MYO16: variants seen among roughly 807,000 people sequenced by gnomAD.
MYO16 encodes the protein unconventional myosin-XVI.
A neutral mutation model predicts 205.3 loss-of-function variants in MYO16; 94 were observed. The observed-to-expected ratio is 0.46, with a 90% CI of 0.39 to 0.54. The LOEUF (loss-of-function observed/expected upper bound fraction) is 0.54. Ranked by LOEUF, MYO16 falls within the 20% of genes least tolerant of loss-of-function variation. The pLI is 0.00. For synonymous variants in MYO16, 988 were observed against 954.0 expected (o/e 1.04, Z -0.66); for missense variants, 2,315 against 2,387.5 (o/e 0.97, Z 0.63).
At chr13:109,049,931 TG>T (rs2139600230) in intron 24 of MYO16, among the ~76,000 whole-genome samples, 1 of 90,240 alleles carries the variant, frequency 1.1e-5, no homozygotes, top group African/African-American at 4.8e-5. Flanking sequence ...TTGTCCTGTG[TG>T]TGTGTGTGTG....
intron 12 of MYO16, among the ~76,000 whole-genome samples, chr13:108,869,201 T>A (rs1161030504): frequency 2.0e-5 from 3 of 152,126 alleles, no homozygotes; most frequent in African/African-American, 7.2e-5. Flanking sequence ...TATTTACAGT[T>A]CAATTTAGAA....
intron 27 of MYO16, among the ~76,000 whole-genome samples, chr13:109,092,676 T>C (rs900304826): frequency 6.6e-6 from 1 of 152,138 alleles, no homozygotes; most frequent in Non-Finnish European, 1.5e-5. Context: ...CCCTGACACA[T>C]GTTTACCTAT....
chr13:109,188,636 C>T (rs939149488), intron 34 of MYO16, among the ~76,000 whole-genome samples: 3 of 152,124 alleles, frequency 2.0e-5, no homozygotes, highest in African/African-American at 7.2e-5. Flanking sequence ...AGTCCATCTG[C>T]AAGCTGAGGA....
At chr13:108,536,668 T>C in the MYO16 span, among the ~76,000 whole-genome samples, 1 of 152,120 alleles carries the variant, frequency 6.6e-6, no homozygotes, top group African/African-American at 2.4e-5. Flanking sequence ...ACTTTGGAAA[T>C]GTTAATGAAG....
chr13:109,083,561 C>G (rs779083346), intron 27 of MYO16, among the ~76,000 whole-genome samples: 1 of 151,734 alleles, frequency 6.6e-6, no homozygotes, highest in East Asian at 1.9e-4. Context: ...CAAGAACTTA[C>G]GAAACATAAT....
chr13:108,785,749 CA>C lies in MYO16; in HGVS notation c.616+11del. 6.4e-7 allele frequency: 1 copy of C among 1,553,288 alleles called. No individual in the cohort carries two copies. The highest frequency in any genetic ancestry group is 8.8e-7 in the Non-Finnish European group (1 of 1,135,552). On this transcript the variant is annotated splice_region_variant and intron_variant, in intron 5 of 34. Coordinates refer to ENST00000457511, the MANE Select transcript of MYO16 (RefSeq NM_001198950.3). ...GACCTATCTGGATGAAAATGGTAGG[CA>C]AAAACTTTTAAAACCATAGAAAAAA...
chr13:108,600,491 G>A (rs896053433), intron 1 of MYO16, among the ~76,000 whole-genome samples: 4 of 152,116 alleles, frequency 2.6e-5, no homozygotes, highest in African/African-American at 7.2e-5. Context: ...ACTGTTGACC[G>A]TTATACATTC....
At chr13:108,959,781 C>T (rs1456700731) in intron 17 of MYO16, among the ~76,000 whole-genome samples, 1 of 152,138 alleles carries the variant, frequency 6.6e-6, no homozygotes, top group Non-Finnish European at 1.5e-5. Flanking sequence ...GAAGCACAGC[C>T]TCCTTTCTGC....
chr13:109,146,591 C>T (rs1379898592), intron 32 of MYO16, among the ~76,000 whole-genome samples: 1 of 151,814 alleles, frequency 6.6e-6, no homozygotes, highest in African/African-American at 2.4e-5. Flanking sequence ...AGGACTAGCC[C>T]TGGCAAAGTA....
At chr13:108,879,712 T>C (rs958229651) in intron 12 of MYO16, among the ~76,000 whole-genome samples, 9 of 152,232 alleles carry the variant, frequency 5.9e-5, no homozygotes, top group African/African-American at 2.2e-4. Flanking sequence ...TATGGCTGCA[T>C]AGTATTCCAT....
rs368127919 is a variant in MYO16 at position 109,008,963 on chromosome 13, C to A, written c.2509C>A (p.Gln837Lys). 52 of 1,612,986 alleles carry A rather than the reference C, an allele frequency of 3.2e-5. 1 individual carries two copies. Among genetic ancestry groups the A allele is most frequent in the Non-Finnish European group, 4.4e-5 (52 of 1,179,442 alleles). The change falls in exon 22 of 35, where the codon CAA becomes AAA. Residue 837 changes from glutamine (Q) to lysine (K), a missense_variant. Physicochemically the swap from Gln to Lys is moderately conservative, Grantham distance 53. Around this residue, in one of 3 missense-constraint regions of MYO16, gnomAD observed 1,213 missense variants for 1,274.4 expected, o/e 0.95. Transcript: ENST00000457511. ...YINEVLFLHE[Q>K]VECVQEGVTM... ...CAATGAAGTGCTTTTTCTCCACGAG[C>A]AAGTGGAATGTGTACAAGAGGGAGT... is the stretch of plus-strand genomic sequence containing the variant.
Position 108,961,647 on chromosome 13 carries a change from C to G in MYO16, c.2146C>G (p.Leu716Val). The G allele has an allele frequency of 6.2e-7, 1 of 1,612,098 alleles. No homozygotes were observed. The highest frequency in any genetic ancestry group is 8.5e-7 in the Non-Finnish European group (1 of 1,178,164). Residue 716 changes from leucine to valine, a missense_variant, in exon 18 of 35, where the codon CTG becomes GTG. Leu to Val is a conservative substitution (Grantham distance 32). Transcript: ENST00000457511. The part of the protein sequence containing the change: ...NSAFVSDLQL[L>V]EQVAGMLQVS... ...CGCCTTCGTTTCTGACCTCCAGCTC[C>G]TGGAACAAGGTCAGTGGAACATGAC...
chr13:108,588,442 T>A, the MYO16 span, among the ~76,000 whole-genome samples: 1 of 152,168 alleles, frequency 6.6e-6, no homozygotes, highest in Non-Finnish European at 1.5e-5. Flanking sequence ...CTGCAGCATC[T>A]TTGAAACCAA....
chr13:108,829,112 G>C (rs1429993594), intron 9 of MYO16, among the ~76,000 whole-genome samples: 1 of 152,152 alleles, frequency 6.6e-6, no homozygotes, highest in Non-Finnish European at 1.5e-5. Context: ...AATCTAAAAT[G>C]GGGGCAGTCT....
At chr13:108,980,185 A>G (rs552541847) in intron 20 of MYO16, among the ~76,000 whole-genome samples, 5 of 152,318 alleles carry the variant, frequency 3.3e-5, no homozygotes, top group Admixed American at 1.3e-4. Context: ...CATAGTTTTA[A>G]TAATAAAATG....
chr13:109,141,543 G>A lies in MYO16; in HGVS notation c.5164+167G>A, dbSNP rs1877098498. 6.6e-6 allele frequency among the ~76,000 whole-genome samples: 1 copy of A among 152,132 alleles called. No individual in the cohort carries two copies. The highest frequency in any genetic ancestry group is 1.5e-5 in the Non-Finnish European group (1 of 68,018). On this transcript the variant is annotated intron_variant, in intron 32 of 34. Transcript: ENST00000457511. The surrounding 1 kb of genome is among the most constrained non-coding windows in gnomAD (Gnocchi z 4.1). Reference sequence around the variant, plus strand: ...AAAAAAAATCGTATACACCCACTGTGACCAAATAGGTAGGAATTAATATTT... The same window carrying A: ...AAAAAAAATCGTATACACCCACTGTAACCAAATAGGTAGGAATTAATATTT...
At chr13:108,757,482 G>T (rs2009504) in intron 4 of MYO16, among the ~76,000 whole-genome samples, 97,306 of 150,356 alleles carry the variant, frequency 0.65, 31,876 homozygotes, top group East Asian at 0.88. Context: ...GTTTTTTGGG[G>T]TTTTTTTTAA....
At position 109,055,112 on chromosome 13, in the gene MYO16, G is replaced by A. The variant is rs746964401; in HGVS notation, c.3115G>A (p.Ala1039Thr). Residue 1039 changes from alanine (A) to threonine (T), a missense_variant, in exon 26 of 35, where the codon GCA becomes ACA. By Grantham distance (58) the Ala-to-Thr change is moderately conservative (BLOSUM62 0). Coordinates refer to ENST00000457511, the MANE Select transcript of MYO16 (RefSeq NM_001198950.3). The surrounding 1 kb of genome is among the most constrained non-coding windows in gnomAD (Gnocchi z 5.0). ...RLERGDPVTI[A>T]SQLRKSLMDI... Reference sequence around the variant, plus strand: ...GGAACGAGGAGATCCAGTCACCATAGCATCACAACTCAGGGTTAGTGACGT... The same window carrying A: ...GGAACGAGGAGATCCAGTCACCATAACATCACAACTCAGGGTTAGTGACGT... 8.2e-6 allele frequency: 13 copies of A among 1,584,500 alleles called. No homozygotes were observed. In the Admixed American group the frequency reaches 1.3e-4, roughly 16 times the overall value.
intron 2 of MYO16, among the ~76,000 whole-genome samples, chr13:108,675,780 A>G (rs1287949457): frequency 6.6e-6 from 1 of 152,210 alleles, no homozygotes; most frequent in African/African-American, 2.4e-5. Flanking sequence ...TTCTGATATG[A>G]GAACATCATG....
Sources: allele counts gnomAD v4.1 joint callset (sites outside exome capture counted in the v4.1 genomes callset), GRCh38; gene constraint gnomAD v4.1.1; regional missense constraint gnomAD v4.1.1; non-coding constraint Gnocchi (gnomAD v3.1); transcripts MANE v1.5; gene names NCBI Gene and HGNC (gene_info 2026-07-23, HGNC 2026-07-21).